The following GRIA1 variants were observed in gnomAD, a reference collection of about 807,000 sequenced individuals.
The protein encoded by GRIA1 is glutamate ionotropic receptor AMPA type subunit 1.
In GRIA1, 31 loss-of-function variants were observed where a neutral mutation model predicts 99.2. That is an observed-to-expected ratio of 0.31 (90% CI 0.23 to 0.42). The LOEUF is 0.42. GRIA1 is among the 10% of genes least tolerant of loss of function. GRIA1 has a pLI of 1.00. For synonymous variants in GRIA1, 438 were observed against 432.4 expected (o/e 1.01, Z -0.16); for missense variants, 782 against 1,157.5 (o/e 0.68, Z 4.71).
At chr5:153,629,699 T>C (rs17521172) in intron 2 of GRIA1, among the ~76,000 whole-genome samples, 35,430 of 152,234 alleles carry the variant, frequency 0.23, 4,547 homozygotes, top group Non-Finnish European at 0.3. Flanking sequence ...GCTTGCCCTT[T>C]AGGATCCTCA....
rs1758846316 is a variant in GRIA1 at position 153,705,740 on chromosome 5, G to A, written c.1496G>A (p.Arg499Gln). Residue 499 changes from arginine to glutamine, a missense_variant, in exon 11 of 16, where the codon CGG (arginine) becomes CAG (glutamine). This residue lies in a region of GRIA1 where 87 missense variants were observed against 184.5 expected (regional missense o/e 0.47). Coordinates refer to ENST00000285900, the MANE Select transcript of GRIA1 (RefSeq NM_000827.4). ...GCTCCCTTAACTATCACTTTGGTCC[G>A]GGAAGAAGTTATAGATTTCTCCAAA... The part of the protein sequence containing the change: ...AVAPLTITLV[R>Q]EEVIDFSKPF... 6.7e-7 allele frequency: 1 copy of A among 1,499,870 alleles called. No homozygotes were observed. Among genetic ancestry groups the A allele is most frequent in the Non-Finnish European group, 9.0e-7 (1 of 1,116,980 alleles). 92.9% of individuals were successfully genotyped at this position (1,499,870 alleles called of 1,614,324 possible).
chr5:153,628,564 T>C (rs1402193551), intron 2 of GRIA1, among the ~76,000 whole-genome samples: 1 of 152,248 alleles, frequency 6.6e-6, no homozygotes. Context: ...GTGAACATTA[T>C]CTCAGTCTTC....
chr5:153,511,403 G>A (rs1050894667), intron 2 of GRIA1, among the ~76,000 whole-genome samples: 23 of 152,226 alleles, frequency 1.5e-4, no homozygotes, highest in Admixed American at 9.2e-4. Context: ...TCTCTGGATG[G>A]GGATTTTAGT....
At chr5:153,679,840 C>T (rs927494071) in intron 7 of GRIA1, among the ~76,000 whole-genome samples, 11 of 152,190 alleles carry the variant, frequency 7.2e-5, no homozygotes, top group African/African-American at 2.4e-4. Flanking sequence ...GCCAAGAGGT[C>T]CAGCACAGCC....
intron 2 of GRIA1, among the ~76,000 whole-genome samples, chr5:153,531,007 A>G (rs1758048969): frequency 6.6e-6 from 1 of 152,212 alleles, no homozygotes; most frequent in African/African-American, 2.4e-5. Context: ...GGGGGAAAAT[A>G]AGACTGGGTG....
chr5:153,668,508 A>G (rs577124215), intron 5 of GRIA1, among the ~76,000 whole-genome samples: 1 of 152,368 alleles, frequency 6.6e-6, no homozygotes, highest in African/African-American at 2.4e-5. Context: ...TGCTCTTCCA[A>G]TTACTATATG....
chr5:153,572,316 CAT>C (rs1718953520), intron 2 of GRIA1, among the ~76,000 whole-genome samples: 1 of 152,146 alleles, frequency 6.6e-6, no homozygotes, highest in African/African-American at 2.4e-5. Flanking sequence ...AGGACCTGCT[CAT>C]ATGAGATGAC....
chr5:153,492,361 G>C (rs1754004925), intron 1 of GRIA1: 2 of 1,460,138 alleles, frequency 1.4e-6, no homozygotes, highest in African/African-American at 1.4e-5. Context: ...TGCCTTCAGG[G>C]GAGACACTTC....
intron 6 of GRIA1, among the ~76,000 whole-genome samples, chr5:153,676,215 A>G (rs1218194847): frequency 2.6e-5 from 4 of 152,214 alleles, no homozygotes; most frequent in Admixed American, 2.0e-4. Context: ...TTAGAAAAAT[A>G]CCCATTCATT....
intron 13 of GRIA1, among the ~76,000 whole-genome samples, chr5:153,778,457 A>C (rs1764413731): frequency 6.6e-6 from 1 of 152,030 alleles, no homozygotes; most frequent in South Asian, 2.1e-4. Context: ...CTAAGAAGTG[A>C]TGTGCATTAT....
intron 2 of GRIA1, among the ~76,000 whole-genome samples, chr5:153,618,755 G>T (rs1041691793): frequency 2.0e-4 from 31 of 152,178 alleles, no homozygotes; most frequent in African/African-American, 7.5e-4. Context: ...GGAAATTAAA[G>T]AGAATAGAAA....
At chr5:153,598,751 A>G (rs963186625) in intron 2 of GRIA1, among the ~76,000 whole-genome samples, 4 of 152,178 alleles carry the variant, frequency 2.6e-5, no homozygotes, top group African/African-American at 7.2e-5. Context: ...TCTACAATCT[A>G]TCTGTCCAAT....
intron 2 of GRIA1, among the ~76,000 whole-genome samples, chr5:153,635,185 C>T (rs1581375312): frequency 6.6e-6 from 1 of 152,130 alleles, no homozygotes; most frequent in African/African-American, 2.4e-5. Context: ...AAATAAGAAA[C>T]AAAAGATTTT....
chr5:153,785,202 T>G (rs1764897194), intron 13 of GRIA1, among the ~76,000 whole-genome samples: 1 of 152,046 alleles, frequency 6.6e-6, no homozygotes, highest in Admixed American at 6.5e-5. Flanking sequence ...TCAAGCCCCA[T>G]GGAAGGAAGA....
chr5:153,723,415 A>G (rs1167873031), intron 11 of GRIA1, among the ~76,000 whole-genome samples: 1 of 151,442 alleles, frequency 6.6e-6, no homozygotes, highest in Non-Finnish European at 1.5e-5. Flanking sequence ...GCAGCGCACC[A>G]TGCACGAGCT....
intron 2 of GRIA1, among the ~76,000 whole-genome samples, chr5:153,602,093 C>T (rs888291174): frequency 2.0e-5 from 3 of 152,054 alleles, no homozygotes; most frequent in Non-Finnish European, 1.5e-5. Flanking sequence ...ATGTTTATTG[C>T]AGCACTATTC....
At chr5:153,704,745 A>C (rs1293798391) in intron 10 of GRIA1, among the ~76,000 whole-genome samples, 1 of 152,034 alleles carries the variant, frequency 6.6e-6, no homozygotes, top group African/African-American at 2.4e-5. Context: ...TTTATATGCC[A>C]CCTCTTCCAA....
chr5:153,524,749 A>G (rs1296681471), intron 2 of GRIA1, among the ~76,000 whole-genome samples: 1 of 152,178 alleles, frequency 6.6e-6, no homozygotes, highest in East Asian at 1.9e-4. Flanking sequence ...GTATTAGCTC[A>G]GGGATTTGTA....
At chr5:153,756,677 G>A (rs1278288820) in intron 11 of GRIA1, among the ~76,000 whole-genome samples, 1 of 152,116 alleles carries the variant, frequency 6.6e-6, no homozygotes, top group African/African-American at 2.4e-5. Context: ...CCAAGCTGGA[G>A]TACCATCCCA....
Sources: allele counts gnomAD v4.1 joint callset (sites outside exome capture counted in the v4.1 genomes callset), GRCh38; gene constraint gnomAD v4.1.1; regional missense constraint gnomAD v4.1.1; transcripts MANE v1.5; gene names NCBI Gene and HGNC (gene_info 2026-07-23, HGNC 2026-07-21).